The following PSG7 variants were observed in gnomAD, a reference collection of about 807,000 sequenced individuals.
The protein encoded by PSG7 is pregnancy specific beta-1-glycoprotein 7, also known as pregnancy-specific beta-1-glycoprotein 7.
A neutral mutation model predicts 45.6 loss-of-function variants in PSG7; 57 were observed. That is an observed-to-expected ratio of 1.25 (90% CI 1.01 to 1.56). The LOEUF (loss-of-function observed/expected upper bound fraction) is 1.56, where lower values mean the gene tolerates loss of function less well. Ranked by LOEUF, PSG7 falls within the 40% of genes most tolerant of loss-of-function variation. PSG7 has a pLI of 0.00. For synonymous variants in PSG7, 298 were observed against 194.4 expected, an observed-to-expected ratio of 1.53 and a Z score of -4.43; for missense variants, 796 against 508.4, an observed-to-expected ratio of 1.57 and a Z score of -5.44.
intron 2 of PSG7, among the ~76,000 whole-genome samples, chr19:42,933,303 A>T (rs1424978593): frequency 0.17 from 2,484 of 14,688 alleles, 333 homozygotes; most frequent in African/African-American, 0.34. Flanking sequence ...ATATATATAT[A>T]TATATTTTTT....
chr19:42,932,190 A>AT (rs1435064834), intron 2 of PSG7, among the ~76,000 whole-genome samples: 1 of 150,952 alleles, frequency 6.6e-6, no homozygotes, highest in African/African-American at 2.4e-5. Flanking sequence ...CGTCCCACTA[A>AT]TTTTTTGTAT....
At chr19:42,932,303 C>T (rs907166667) in intron 2 of PSG7, among the ~76,000 whole-genome samples, 1 of 151,528 alleles carries the variant, frequency 6.6e-6, no homozygotes, top group Non-Finnish European at 1.5e-5. Flanking sequence ...TAGGTGTGAG[C>T]CACTGTGCCC....
At position 42,925,877 on chromosome 19, in the gene PSG7, G is replaced by A. The variant is rs1372759163; in HGVS notation, c.1139C>T (p.Ser380Phe). 9.3e-6 allele frequency: 15 copies of A among 1,611,998 alleles called. No individual in the cohort carries two copies. The African/African-American group carries it at 1.7e-4, about 19-fold the overall frequency. ...GKFQLSGQKL[S>F]IPQITTKHSG... ...ATGCTTTGTAGTAATCTGGGGGATA[G>A]AAAGCTTTTGTCCTGATAGCTGAAA... Residue 380 changes from serine to phenylalanine, a missense_variant, in exon 5 of 6, where the codon TCT becomes TTT. By Grantham distance (155) the Ser-to-Phe change is radical. Coordinates refer to ENST00000406070, the MANE Select transcript of PSG7 (RefSeq NM_002783.3).
At position 42,932,545 on chromosome 19, in the gene PSG7, T is replaced by C. The variant is rs150843277; in HGVS notation, c.431-2825A>G. ...TTGGGAACTGCAGGCCCTTCCAGCCTCTGACACCCTGATGAGTCCGTGCAA... is the reference window on the plus strand; with the variant it reads ...TTGGGAACTGCAGGCCCTTCCAGCCCCTGACACCCTGATGAGTCCGTGCAA... On this transcript the variant is annotated intron_variant, in intron 2 of 5. Coordinates refer to ENST00000406070, the MANE Select transcript of PSG7 (RefSeq NM_002783.3). Among the ~76,000 whole-genome samples the C allele has an allele frequency of 2.9e-3, 438 of 151,450 alleles. 10 individuals carry two copies. Among genetic ancestry groups the C allele is most frequent in the Non-Finnish European group, 4.9e-3 (335 of 67,836 alleles).
rs1973128856 is a variant in PSG7 at position 42,935,532 on chromosome 19, AC to A, written c.301del (p.Val101TyrfsTer8). 1.9e-6 allele frequency: 3 copies of A among 1,611,964 alleles called. No homozygotes were observed. The African/African-American group carries it at 4.0e-5, about 22-fold the overall frequency. Reference protein sequence around the residue: ...YGPAYSGRETVYSNASLLIQN... With the variant: ...YGPAYSGRETXYSNASLLIQN... ...GATCAGCAGGGATGCATTGGAATAT[AC>A]TGTTTCTCGTCCACTGTATGCAGGC... On this transcript the variant is annotated frameshift_variant, in exon 2 of 6. Transcript: ENST00000406070. LOFTEE classifies it high-confidence loss of function.
Position 42,924,419 on chromosome 19 carries a change from CT to C in PSG7, c.*388del. ...TGAGGTTGAGATGACATATCTGACACTCTGTTGTTACCCTCAGAAGCTCCTA... is the reference window on the plus strand; with the variant it reads ...TGAGGTTGAGATGACATATCTGACACCTGTTGTTACCCTCAGAAGCTCCTA... On this transcript the variant is annotated 3_prime_UTR_variant, in exon 6 of 6. Transcript: ENST00000406070. The C allele has an allele frequency of 2.1e-6, 1 of 467,840 alleles. No homozygotes were observed. Among genetic ancestry groups the C allele is most frequent in the Non-Finnish European group, 3.7e-6 (1 of 268,958 alleles). 29.0% of individuals were successfully genotyped at this position (467,840 alleles called of 1,614,324 possible).
chr19:42,933,307 A>ATATATATATATATTTTTTTT (rs56691588), intron 2 of PSG7, among the ~76,000 whole-genome samples: 1 of 13,506 alleles, frequency 7.4e-5, no homozygotes, highest in Non-Finnish European at 1.6e-4. Flanking sequence ...ATATATATAT[A>ATATATATATATATTTTTTTT]TTTTTTTTTT....
chr19:42,931,698 C>G lies in PSG7; in HGVS notation c.431-1978G>C, dbSNP rs571259350. Among the ~76,000 whole-genome samples the G allele has an allele frequency of 3.3e-5, 5 of 151,516 alleles. No individual in the cohort carries two copies. The East Asian group carries it at 5.8e-4, about 18-fold the overall frequency. On this transcript the variant is annotated intron_variant, in intron 2 of 5. Coordinates refer to ENST00000406070, the MANE Select transcript of PSG7 (RefSeq NM_002783.3). ...TGAAAACGGCATCATCATGAGGAAA[C>G]AGTTGTATGTGGCACAGGCAGTAAA... is the stretch of plus-strand genomic sequence containing the variant.
In PSG7 at chr19:42,924,598, C is replaced by T; in HGVS notation, c.*210G>A. On this transcript the variant is annotated 3_prime_UTR_variant, in exon 6 of 6. Coordinates refer to ENST00000406070, the MANE Select transcript of PSG7 (RefSeq NM_002783.3). Reference sequence around the variant, plus strand: ...GCTGTCCACAGTGTGAAGTCATCAACTTGTTTTCCTTGTTTACAGTTTGAG... The same window carrying T: ...GCTGTCCACAGTGTGAAGTCATCAATTTGTTTTCCTTGTTTACAGTTTGAG... 1.6e-6 allele frequency: 1 copy of T among 633,464 alleles called. No individual in the cohort carries two copies. Among genetic ancestry groups the T allele is most frequent in the East Asian group, 2.7e-5 (1 of 37,164 alleles). The allele number at this position is 633,464 out of a possible 1,614,324, so 39.2% of individuals were successfully genotyped here. A position where few individuals can be genotyped will look rare whatever the true frequency, so the allele number is the denominator to read the frequency against.
intron 2 of PSG7, among the ~76,000 whole-genome samples, chr19:42,934,987 G>T (rs1973112607): frequency 6.6e-6 from 1 of 151,588 alleles, no homozygotes; most frequent in Non-Finnish European, 1.5e-5. Context: ...AGCTTTATCT[G>T]GAGCAAGGAT....
In PSG7 at chr19:42,935,844, A is replaced by G. The variant is rs544492104; in HGVS notation, c.65-75T>C. On this transcript the variant is annotated intron_variant, in intron 1 of 5. Transcript: ENST00000406070. ...TGAAAAGATGGGCCCCTGGGTCCTG[A>G]GAAGGTCTCTTCAATCCTCAGCCTT... 3.2e-4 allele frequency: 487 copies of G among 1,516,750 alleles called. 11 individuals are homozygous for G. The highest frequency in any genetic ancestry group is 4.7e-4 in the Admixed American group (23 of 49,132). The allele number at this position is 1,516,750 out of a possible 1,614,324, so 94.0% of individuals were successfully genotyped here.
rs1972977922 is a variant in PSG7, at chr19:42,929,719, C to T, written c.432G>A (p.Leu144=). 6.2e-7 allele frequency: 1 copy of T among 1,611,184 alleles called. No homozygotes were observed. Among genetic ancestry groups the T allele is most frequent in the Non-Finnish European group, 8.5e-7 (1 of 1,178,628 alleles). ...VTGRFTFTLY[L]ETPKPSISSS... ...TGGAGATGGAGGGTTTGGGAGTCTC[C>T]ACTGTGCGGAAAACAGAGAGAAGAT... is the stretch of plus-strand genomic sequence containing the variant. Residue 144 remains leucine, a splice_region_variant and synonymous_variant, in exon 3 of 6, where the codon CTG becomes CTA. Transcript: ENST00000406070.
intron 2 of PSG7, among the ~76,000 whole-genome samples, chr19:42,932,170 C>A (rs1243514142): frequency 6.6e-6 from 1 of 151,176 alleles, no homozygotes; most frequent in Non-Finnish European, 1.5e-5. Flanking sequence ...ACTACAGGTG[C>A]CCACCACCAC....
In PSG7 at chr19:42,926,560, C is replaced by G. The variant is rs191942944; in HGVS notation, c.866G>C (p.Arg289Pro). 2.9e-4 allele frequency: 465 copies of G among 1,610,340 alleles called. 12 individuals carry two copies. The highest frequency in any genetic ancestry group is 1.2e-3 in the Admixed American group (73 of 59,854). The change falls in exon 4 of 6, where the codon CGC becomes CCC. Residue 289 changes from arginine to proline, a missense_variant. By Grantham distance (103) the Arg-to-Pro change is moderately radical. Transcript: ENST00000406070. ...SLPVSPRVKRRIENRILILPS... is the reference protein window; with the variant it reads ...SLPVSPRVKRPIENRILILPS... Reference sequence around the variant, plus strand: ...TAGAATGAGGATCCTGTTTTCAATGCGTCGCTTTACCCTGGGACTGACCGG... The same window carrying G: ...TAGAATGAGGATCCTGTTTTCAATGGGTCGCTTTACCCTGGGACTGACCGG...
intron 3 of PSG7, among the ~76,000 whole-genome samples, chr19:42,928,419 G>T (rs956637268): frequency 6.6e-6 from 1 of 151,672 alleles, no homozygotes; most frequent in Admixed American, 6.6e-5. Flanking sequence ...CCATGAAAAT[G>T]AAATGTGTTT....
Position 42,929,333 on chromosome 19 carries a change from A to C in PSG7, c.709+109T>G, listed in dbSNP as rs144781378. ...GAAGTCACCACCAGCTTTGATGTCC[A>C]GGGGTAAAGGTCTACATACTTGGAC... On this transcript the variant is annotated intron_variant, in intron 3 of 5. Transcript: ENST00000406070. 9.3e-4 allele frequency: 1,481 copies of C among 1,594,488 alleles called. 67 individuals are homozygous for C. The East Asian group carries it at 0.031, about 33-fold the overall frequency.
intron 3 of PSG7, among the ~76,000 whole-genome samples, chr19:42,928,654 T>C (rs1972946912): frequency 6.6e-6 from 1 of 151,406 alleles, no homozygotes; most frequent in South Asian, 2.1e-4. Flanking sequence ...CCTGGTGGTT[T>C]TGGAGCAGAA....
chr19:42,935,360 G>T, intron 2 of PSG7, 44 bp downstream of exon 2: 1 of 1,606,764 alleles, frequency 6.2e-7, no homozygotes, highest in South Asian at 1.1e-5. Context: ...AAGTAGAAAT[G>T]ACCCCTGCCC....
In PSG7 at chr19:42,929,588, G is replaced by C; in HGVS notation, c.563C>G (p.Pro188Arg). 1 of 1,612,596 alleles carries C rather than the reference G, an allele frequency of 6.2e-7. No homozygotes were observed. Among genetic ancestry groups the C allele is most frequent in the Non-Finnish European group, 8.5e-7 (1 of 1,179,242 alleles). The change falls in exon 3 of 6, where the codon CCT becomes CGT. Residue 188 changes from proline (P) to arginine (R), a missense_variant. Transcript: ENST00000406070. ...AGACAGCTGCAAGCTGTGAGTCATA[G>C]GGAGGCTCTGACCATTCATCCACCA... is the stretch of plus-strand genomic sequence containing the variant. ...YLWWMNGQSL[P>R]MTHSLQLSET... is the part of the protein sequence containing the mutation.
Sources: allele counts gnomAD v4.1 joint callset (sites outside exome capture counted in the v4.1 genomes callset), GRCh38; gene constraint gnomAD v4.1.1; transcripts MANE v1.5; gene names NCBI Gene and HGNC (gene_info 2026-07-23, HGNC 2026-07-21).